ERBB4: variants seen among roughly 807,000 people sequenced by gnomAD.
ERBB4 encodes the protein erb-b2 receptor tyrosine kinase 4.
ERBB4 carries 42 observed loss-of-function variants against 158.0 expected under a neutral mutation model. The ratio of observed to expected loss-of-function variants is 0.27; its 90% CI spans 0.21 to 0.34. The LOEUF (loss-of-function observed/expected upper bound fraction) is 0.34, where lower values mean the gene tolerates loss of function less well. Ranked by LOEUF, ERBB4 falls within the 10% of genes least tolerant of loss-of-function variation. The pLI is 1.00. For missense variants in ERBB4, 1,333 were observed against 1,624.1 expected (o/e 0.82, Z 3.08); for synonymous variants, 583 against 558.7 (o/e 1.04, Z -0.61).
chr2:212,009,599 AT>A, intron 2 of ERBB4, among the ~76,000 whole-genome samples: 1 of 152,140 alleles, frequency 6.6e-6, no homozygotes, highest in Non-Finnish European at 1.5e-5. Context: ...AATCAAAACC[AT>A]TTTCAAAACA....
chr2:212,183,605 A>C (rs2081936061), intron 1 of ERBB4, among the ~76,000 whole-genome samples: 1 of 152,134 alleles, frequency 6.6e-6, no homozygotes, highest in East Asian at 1.9e-4. Flanking sequence ...ATACCTTTTA[A>C]CTTTCTATTC....
intron 3 of ERBB4, among the ~76,000 whole-genome samples, chr2:211,922,399 A>G (rs1197331435): frequency 6.6e-6 from 1 of 152,130 alleles, no homozygotes; most frequent in Non-Finnish European, 1.5e-5. Context: ...AATATGTAGG[A>G]AAAAAGTCCT....
intron 18 of ERBB4, among the ~76,000 whole-genome samples, chr2:211,621,023 G>C (rs2069580598): frequency 6.6e-6 from 1 of 152,148 alleles, no homozygotes; most frequent in Non-Finnish European, 1.5e-5. Flanking sequence ...GCTGAGGTGG[G>C]AGGATGGTTT....
At chr2:212,040,150 G>A (rs530701596) in intron 2 of ERBB4, among the ~76,000 whole-genome samples, 16 of 149,902 alleles carry the variant, frequency 1.1e-4, no homozygotes, top group Admixed American at 6.0e-4. Context: ...GTTTCAATCA[G>A]TTTAGTCTAT....
intron 1 of ERBB4, among the ~76,000 whole-genome samples, chr2:212,517,818 GTTAT>G (rs1216308202): frequency 1.3e-5 from 2 of 152,034 alleles, no homozygotes; most frequent in Non-Finnish European, 2.9e-5. Context: ...TGTGTGGAGT[GTTAT>G]TTATTTATAC....
rs890339234 is a variant in ERBB4, at chr2:212,061,303, C to T, written c.234+63449G>A. On this transcript the variant is annotated intron_variant, in intron 2 of 27. Coordinates refer to ENST00000342788, the MANE Select transcript of ERBB4 (RefSeq NM_005235.3). ...CTCCATCTCTACTAAAAATACAAAACTTAGCAGGGTGTGGTGGTTCGTGAC... is the reference window on the plus strand; with the variant it reads ...CTCCATCTCTACTAAAAATACAAAATTTAGCAGGGTGTGGTGGTTCGTGAC... 2.6e-5 allele frequency among the ~76,000 whole-genome samples: 4 copies of T among 151,170 alleles called. No homozygotes were observed. In the East Asian group the frequency reaches 5.9e-4, roughly 22 times the overall value.
intron 1 of ERBB4, among the ~76,000 whole-genome samples, chr2:212,352,325 T>TA (rs5838322): frequency 0.32 from 46,947 of 144,854 alleles, 8,343 homozygotes; most frequent in African/African-American, 0.49. Context: ...AAATAAAAGT[T>TA]AAAAAAAAAA....
At chr2:211,820,897 A>G (rs2076981278) in intron 3 of ERBB4, among the ~76,000 whole-genome samples, 1 of 151,846 alleles carries the variant, frequency 6.6e-6, no homozygotes, top group South Asian at 2.1e-4. Flanking sequence ...AATAAGGTAT[A>G]GAAGGAAAGT....
intron 1 of ERBB4, among the ~76,000 whole-genome samples, chr2:212,310,621 G>A (rs1010471212): frequency 3.3e-4 from 47 of 144,474 alleles, no homozygotes; most frequent in Non-Finnish European, 5.6e-4. Flanking sequence ...GTGTGTGTGT[G>A]TGTGTGTGTG....
rs113781719 is a variant in ERBB4, at chr2:211,410,880, TA to T, written c.3135+9560del. On this transcript the variant is annotated intron_variant, in intron 25 of 27. Coordinates refer to ENST00000342788, the MANE Select transcript of ERBB4 (RefSeq NM_005235.3). ...TAAATTAAAGAACAATAACAATTTG[TA>T]AAAAAAACCTTTGTTTTTTAAATTT... Among the ~76,000 whole-genome samples the T allele has an allele frequency of 3.1e-4, 47 of 152,074 alleles. 1 individual carries two copies. The highest frequency in any genetic ancestry group is 1.1e-3 in the African/African-American group (45 of 41,486).
chr2:212,537,866 G>T (rs1299181839), intron 1 of ERBB4, among the ~76,000 whole-genome samples: 3 of 152,080 alleles, frequency 2.0e-5, no homozygotes, highest in Non-Finnish European at 2.9e-5. Context: ...ACCGAGGCGC[G>T]CCCGCCTGCT....
chr2:212,104,531 A>C (rs1411174347), intron 2 of ERBB4, among the ~76,000 whole-genome samples: 2 of 152,134 alleles, frequency 1.3e-5, no homozygotes, highest in African/African-American at 4.8e-5. Flanking sequence ...TAGAACTGTA[A>C]ATACATTGGG....
At chr2:211,907,802 G>A (rs2079436310) in intron 3 of ERBB4, among the ~76,000 whole-genome samples, 1 of 151,638 alleles carries the variant, frequency 6.6e-6, no homozygotes, top group Non-Finnish European at 1.5e-5. Flanking sequence ...TAGTGTTATA[G>A]GTCATTTCAA....
At chr2:211,661,202 A>C (rs2071410386) in intron 15 of ERBB4, among the ~76,000 whole-genome samples, 1 of 152,218 alleles carries the variant, frequency 6.6e-6, no homozygotes, top group Admixed American at 6.5e-5. Context: ...AAGTGGCACC[A>C]TTCTTTCTAA....
chr2:211,887,446 C>T (rs1006603916), intron 3 of ERBB4, among the ~76,000 whole-genome samples: 50 of 152,224 alleles, frequency 3.3e-4, no homozygotes, highest in African/African-American at 1.2e-3. Context: ...CTCTAAAATG[C>T]CATCCTGATC....
chr2:211,454,938 T>A (rs1318368496), intron 20 of ERBB4, among the ~76,000 whole-genome samples: 2 of 152,234 alleles, frequency 1.3e-5, no homozygotes, highest in Admixed American at 1.3e-4. Context: ...GGATGTGCTG[T>A]CAATATTGCC....
chr2:211,747,286 C>T (rs1233183775), intron 5 of ERBB4, among the ~76,000 whole-genome samples: 1 of 152,088 alleles, frequency 6.6e-6, no homozygotes, highest in Admixed American at 6.6e-5. Context: ...AGAGGCTTTC[C>T]TGTGCATTGC....
intron 20 of ERBB4, among the ~76,000 whole-genome samples, chr2:211,456,096 G>A (rs964509720): frequency 1.3e-5 from 2 of 152,194 alleles, no homozygotes; most frequent in Non-Finnish European, 2.9e-5. Context: ...GAGCCTGAGT[G>A]TGTGAAGCCA....
At chr2:212,240,905 T>C (rs753131304) in intron 1 of ERBB4, among the ~76,000 whole-genome samples, 1 of 152,088 alleles carries the variant, frequency 6.6e-6, no homozygotes, top group Non-Finnish European at 1.5e-5. Context: ...CCTCTTGTTA[T>C]AGGGTCCTCA....
Sources: allele counts gnomAD v4.1 joint callset (sites outside exome capture counted in the v4.1 genomes callset), GRCh38; gene constraint gnomAD v4.1.1; transcripts MANE v1.5; gene names NCBI Gene and HGNC (gene_info 2026-07-23, HGNC 2026-07-21).